The following AHI1 variants were observed in gnomAD, a reference collection of about 807,000 sequenced individuals.
AHI1 encodes the protein jouberin.
AHI1 carries 123 observed loss-of-function variants against 149.3 expected under a neutral mutation model. That is an observed-to-expected ratio of 0.82 (90% CI 0.71 to 0.96). AHI1 has a LOEUF of 0.96. AHI1 is among the 40% of genes least tolerant of loss of function. The pLI, the probability that AHI1 is intolerant of heterozygous loss-of-function variation, is 0.00. For synonymous variants in AHI1, 475 were observed against 459.8 expected (o/e 1.03, Z -0.42); for missense variants, 1,439 against 1,422.7 (o/e 1.01, Z -0.18).
chr6:135,286,298 G>A (rs567168002), intron 28 of AHI1: 1 of 152,482 alleles, frequency 6.6e-6, no homozygotes, highest in East Asian at 1.9e-4. Flanking sequence ...TAGACAGCAT[G>A]TAGTATTTGC....
At chr6:135,345,046 G>T (rs992047904) in intron 24 of AHI1, among the ~76,000 whole-genome samples, 2 of 151,792 alleles carry the variant, frequency 1.3e-5, no homozygotes, top group Middle Eastern at 3.4e-3. Flanking sequence ...ATTTGAATTA[G>T]ACATTTCTCC....
At chr6:135,384,737 G>A (rs538450849) in intron 23 of AHI1, among the ~76,000 whole-genome samples, 5 of 152,270 alleles carry the variant, frequency 3.3e-5, no homozygotes, top group South Asian at 2.1e-4. Flanking sequence ...AGATAATGAA[G>A]TGGATTTTAT....
intron 26 of AHI1, among the ~76,000 whole-genome samples, chr6:135,312,206 GAAAC>G (rs1450691669): frequency 6.6e-6 from 1 of 152,138 alleles, no homozygotes; most frequent in African/African-American, 2.4e-5. Flanking sequence ...AGGGTACAAT[GAAAC>G]AAATACCAAA....
At chr6:135,302,622 G>A (rs569254937) in intron 26 of AHI1, 17 of 1,143,206 alleles carry the variant, frequency 1.5e-5, no homozygotes, top group Non-Finnish European at 1.8e-5. Flanking sequence ...TAAGTTAGAA[G>A]GGGGTCCACA....
At chr6:135,383,918 T>C (rs1257475815) in intron 23 of AHI1, among the ~76,000 whole-genome samples, 2 of 152,238 alleles carry the variant, frequency 1.3e-5, no homozygotes, top group South Asian at 2.1e-4. Context: ...TATGGCATTG[T>C]TGTAATTCTT....
chr6:135,493,025 T>G, intron 3 of AHI1: 1 of 943,754 alleles, frequency 1.1e-6, no homozygotes, highest in Non-Finnish European at 1.3e-6. Flanking sequence ...TTGTTTGTTT[T>G]TGAGATGGAG....
intron 23 of AHI1, among the ~76,000 whole-genome samples, chr6:135,391,288 G>A (rs1053497289): frequency 6.6e-6 from 1 of 152,100 alleles, no homozygotes; most frequent in African/African-American, 2.4e-5. Context: ...TGGCACCAGG[G>A]ACCAGGTTCA....
At chr6:135,431,785 T>G (rs1443510330) in intron 16 of AHI1, among the ~76,000 whole-genome samples, 2 of 152,156 alleles carry the variant, frequency 1.3e-5, no homozygotes, top group Non-Finnish European at 2.9e-5. Context: ...TCAGAGACCA[T>G]TAAGTTCAAC....
chr6:135,349,154 T>A (rs540942429), intron 24 of AHI1, among the ~76,000 whole-genome samples: 76 of 151,964 alleles, frequency 5.0e-4, no homozygotes, highest in African/African-American at 1.6e-3. Context: ...CTAGCTAATT[T>A]AAAAAAAATG....
intron 23 of AHI1, among the ~76,000 whole-genome samples, chr6:135,358,600 G>A (rs1793363855): frequency 6.6e-6 from 1 of 152,184 alleles, no homozygotes; most frequent in Non-Finnish European, 1.5e-5. Context: ...TTTCTCAAAA[G>A]AATAAATAAA....
chr6:135,442,742 A>G, intron 13 of AHI1, 28 bp from the exon 14 acceptor site: 1 of 1,571,864 alleles, frequency 6.4e-7, no homozygotes, highest in South Asian at 1.2e-5. Flanking sequence ...AAAAAATATA[A>G]ATTAGCAAAC....
intron 20 of AHI1, among the ~76,000 whole-genome samples, chr6:135,416,517 G>A (rs142965767): frequency 6.6e-6 from 1 of 151,474 alleles, no homozygotes; most frequent in Admixed American, 6.6e-5. Context: ...TTTAAACTAC[G>A]GTGTATTCAT....
At chr6:135,349,687 G>A (rs953614450) in intron 24 of AHI1, among the ~76,000 whole-genome samples, 4 of 152,164 alleles carry the variant, frequency 2.6e-5, no homozygotes, top group African/African-American at 4.8e-5. Context: ...AATGATAAGT[G>A]AGCATTCAAA....
intron 3 of AHI1, 29 bp downstream of exon 3, chr6:135,495,785 C>T (rs1480851639): frequency 6.6e-6 from 1 of 152,230 alleles, no homozygotes; most frequent in East Asian, 1.9e-4. Flanking sequence ...AAAAAAGACT[C>T]AGGCTTGAGC....
chr6:135,357,625 A>T (rs537914434), intron 24 of AHI1, among the ~76,000 whole-genome samples: 2 of 152,236 alleles, frequency 1.3e-5, no homozygotes, highest in Non-Finnish European at 2.9e-5. Context: ...TGAGTCTTTC[A>T]ATTGCAAACT....
chr6:135,477,626 AT>A (rs1267840762), intron 5 of AHI1, among the ~76,000 whole-genome samples: 1 of 151,682 alleles, frequency 6.6e-6, no homozygotes, highest in African/African-American at 2.4e-5. Context: ...GCAAGATCTG[AT>A]TGCTTGAAAG....
At chr6:135,365,348 A>T (rs916954219) in intron 23 of AHI1, among the ~76,000 whole-genome samples, 1 of 152,114 alleles carries the variant, frequency 6.6e-6, no homozygotes, top group African/African-American at 2.4e-5. Flanking sequence ...GCGAAAAATG[A>T]TGGTGGTATT....
intron 24 of AHI1, among the ~76,000 whole-genome samples, chr6:135,337,208 C>T (rs1188833242): frequency 6.6e-6 from 1 of 152,008 alleles, no homozygotes; most frequent in Non-Finnish European, 1.5e-5. Flanking sequence ...ATAATGAAGA[C>T]ACCTGAAGAA....
intron 27 of AHI1, chr6:135,297,395 T>A (rs767954713): frequency 6.6e-6 from 3 of 455,788 alleles, no homozygotes; most frequent in Non-Finnish European, 1.3e-5. Flanking sequence ...CACATCCAAA[T>A]GCCCTCCCAT....
Sources: allele counts gnomAD v4.1 joint callset (sites outside exome capture counted in the v4.1 genomes callset), GRCh38; gene constraint gnomAD v4.1.1; transcripts MANE v1.5; gene names NCBI Gene and HGNC (gene_info 2026-07-23, HGNC 2026-07-21).